Variants in HECW1 observed in about 807,000 individuals in gnomAD.
HECW1 encodes the protein HECT, C2 and WW domain containing E3 ubiquitin protein ligase 1, also known as E3 ubiquitin-protein ligase HECW1.
A neutral mutation model predicts 182.3 loss-of-function variants in HECW1; 61 were observed. The observed-to-expected ratio is 0.33, with a 90% CI of 0.27 to 0.41. HECW1 has a LOEUF of 0.41. Ranked by LOEUF, HECW1 falls within the 10% of genes least tolerant of loss-of-function variation. The probability of loss-of-function intolerance (pLI) is 1.00; values close to 1 mark genes in which losing one functional copy is unlikely to be tolerated. For synonymous variants in HECW1, 859 were observed against 832.6 expected (o/e 1.03, Z -0.55); for missense variants, 1,739 against 2,108.9 (o/e 0.82, Z 3.44).
chr7:43,323,988 C>T lies in HECW1; in HGVS notation c.460+3246C>T, dbSNP rs182439281. On this transcript the variant is annotated intron_variant, in intron 5 of 29. Coordinates refer to ENST00000395891, the MANE Select transcript of HECW1 (RefSeq NM_015052.5). ...GGCGGAGGTTGCAGTGAGCCGAGAT[C>T]GCACCATTGCACTCCAGTTTGGGCG... Among the ~76,000 whole-genome samples, 11 of 151,934 alleles carry T rather than the reference C, an allele frequency of 7.2e-5. 1 individual carries two copies. The highest frequency in any genetic ancestry group is 3.4e-3 in the Middle Eastern group (1 of 294).
intron 6 of HECW1, among the ~76,000 whole-genome samples, chr7:43,368,644 A>G (rs141105365): frequency 3.3e-5 from 5 of 152,312 alleles, no homozygotes; most frequent in African/African-American, 4.8e-5. Flanking sequence ...TTTAGATTCT[A>G]TCCTAGCCCA....
intron 5 of HECW1, among the ~76,000 whole-genome samples, chr7:43,354,381 GT>G (rs1373698347): frequency 2.0e-5 from 3 of 152,104 alleles, no homozygotes; most frequent in Non-Finnish European, 4.4e-5. Flanking sequence ...AAAAATAGCA[GT>G]TTTAAACAAA....
chr7:43,462,995 C>T (rs1425702545), intron 13 of HECW1, among the ~76,000 whole-genome samples: 1 of 152,170 alleles, frequency 6.6e-6, no homozygotes, highest in Non-Finnish European at 1.5e-5. Context: ...GTTTAAAGGG[C>T]AATGTCATAT....
Position 43,533,179 on chromosome 7 carries a change from A to G in HECW1, c.4020-7984A>G, listed in dbSNP as rs911851916. 5.3e-5 allele frequency among the ~76,000 whole-genome samples: 8 copies of G among 152,044 alleles called. No individual in the cohort carries two copies. In the East Asian group the frequency reaches 1.5e-3, roughly 29 times the overall value. On this transcript the variant is annotated intron_variant, in intron 24 of 29. Coordinates refer to ENST00000395891, the MANE Select transcript of HECW1 (RefSeq NM_015052.5). ...TCAGAGATGCTGTTAAACATCCTATAATACACCAGAAAGCAAACATCAACA... is the reference window on the plus strand; with the variant it reads ...TCAGAGATGCTGTTAAACATCCTATGATACACCAGAAAGCAAACATCAACA...
intron 2 of HECW1, among the ~76,000 whole-genome samples, chr7:43,170,312 T>A (rs1300018375): frequency 6.6e-6 from 1 of 152,168 alleles, no homozygotes; most frequent in East Asian, 1.9e-4. Flanking sequence ...AGAAATAAAG[T>A]GCACAATAAA....
At chr7:43,417,858 T>G (rs1305449296) in intron 8 of HECW1, among the ~76,000 whole-genome samples, 1 of 152,230 alleles carries the variant, frequency 6.6e-6, no homozygotes, top group Non-Finnish European at 1.5e-5. Context: ...CAAGTTGGAT[T>G]TCGGCATTCC....
rs150874345 is a variant in HECW1 at position 43,378,422 on chromosome 7, G to A, written c.555+17442G>A. On this transcript the variant is annotated intron_variant, in intron 6 of 29. Transcript: ENST00000395891. ...AAAGAGCTATCTAGAACAATCATGT[G>A]GTTTATGAGCGGAGCTCTCTCAGAT... Among the ~76,000 whole-genome samples, 31 of 152,328 alleles carry A rather than the reference G, an allele frequency of 2.0e-4. No homozygotes were observed. In the East Asian group the frequency reaches 4.4e-3, roughly 22 times the overall value.
intron 3 of HECW1, among the ~76,000 whole-genome samples, chr7:43,264,242 C>A (rs1197881404): frequency 1.3e-5 from 2 of 152,140 alleles, no homozygotes; most frequent in Non-Finnish European, 2.9e-5. Flanking sequence ...CCCCATCCCT[C>A]CCCCTTCCCC....
At chr7:43,179,076 A>G (rs1000647877) in intron 2 of HECW1, among the ~76,000 whole-genome samples, 1 of 152,210 alleles carries the variant, frequency 6.6e-6, no homozygotes, top group South Asian at 2.1e-4. Context: ...AAAAGAAAGC[A>G]TTTTCTCCAG....
At chr7:43,183,728 T>C (rs1474401802) in intron 2 of HECW1, among the ~76,000 whole-genome samples, 1 of 152,200 alleles carries the variant, frequency 6.6e-6, no homozygotes, top group Non-Finnish European at 1.5e-5. Context: ...ATAATTCAAA[T>C]TGAATGTTGT....
intron 16 of HECW1, among the ~76,000 whole-genome samples, chr7:43,474,647 A>G (rs1305422126): frequency 6.6e-6 from 1 of 152,216 alleles, no homozygotes; most frequent in Non-Finnish European, 1.5e-5. Flanking sequence ...TGTGTTTTAT[A>G]TCCATCAGTT....
chr7:43,536,473 C>A (rs2081182832), intron 24 of HECW1, among the ~76,000 whole-genome samples: 1 of 152,198 alleles, frequency 6.6e-6, no homozygotes, highest in African/African-American at 2.4e-5. Context: ...CATGGGCTGA[C>A]CCGCCTTGCC....
rs1413844338 is a variant in HECW1, at chr7:43,554,641, G to A, written c.4560G>A (p.Glu1520=). 10 of 1,613,842 alleles carry A rather than the reference G, an allele frequency of 6.2e-6. No individual in the cohort carries two copies. The highest frequency in any genetic ancestry group is 8.5e-6 in the Non-Finnish European group (10 of 1,179,906). ...TCCGCTGGTTCTGGGCTGCGGTGGA[G>A]CGCTTCAATAATGAGCAGAGGCTGA... The part of the protein sequence containing the change: ...LVIRWFWAAV[E]RFNNEQRLRL... The change falls in exon 29 of 30, where the codon GAG becomes GAA. Residue 1520 remains glutamate (E), a synonymous_variant. Coordinates refer to ENST00000395891, the MANE Select transcript of HECW1 (RefSeq NM_015052.5).
intron 4 of HECW1, among the ~76,000 whole-genome samples, chr7:43,315,225 C>A (rs955462674): frequency 6.6e-6 from 1 of 152,104 alleles, no homozygotes; most frequent in African/African-American, 2.4e-5. Context: ...ACATCAGGCA[C>A]CCTATTAGAA....
intron 2 of HECW1, among the ~76,000 whole-genome samples, chr7:43,165,659 T>C (rs1288727249): frequency 6.6e-6 from 1 of 152,170 alleles, no homozygotes; most frequent in Non-Finnish European, 1.5e-5. Flanking sequence ...TACATAGGCG[T>C]TGTGAGCCCA....
intron 3 of HECW1, among the ~76,000 whole-genome samples, chr7:43,293,109 A>G (rs1245750799): frequency 6.7e-6 from 1 of 150,164 alleles, no homozygotes; most frequent in Non-Finnish European, 1.5e-5. Flanking sequence ...GGTCCCATCT[A>G]CTCTGGAGGC....
rs764831896 is a variant in HECW1, at chr7:43,444,634, G to A, written c.1462G>A (p.Glu488Lys). ...APASTKEEPLEEEATTQSRAG... is the reference protein window; with the variant it reads ...APASTKEEPLKEEATTQSRAG... ...AGCCAGCACCAAGGAGGAGCCCTTG[G>A]AGGAGGAAGCAACGACCCAGAGCCG... Residue 488 changes from glutamate (E) to lysine (K), a missense_variant, in exon 11 of 30, where the codon GAG becomes AAG. Coordinates refer to ENST00000395891, the MANE Select transcript of HECW1 (RefSeq NM_015052.5). This position sits in a 1 kb window ranked among gnomAD's most constrained non-coding sequence, Gnocchi z 4.3. The A allele has an allele frequency of 1.9e-6, 3 of 1,609,208 alleles. No individual in the cohort carries two copies. The highest frequency in any genetic ancestry group is 1.1e-5 in the South Asian group (1 of 90,262).
intron 6 of HECW1, among the ~76,000 whole-genome samples, chr7:43,384,630 A>T (rs1015890274): frequency 1.4e-4 from 21 of 152,094 alleles, no homozygotes; most frequent in Admixed American, 3.9e-4. Flanking sequence ...GTTTGCCTTT[A>T]AAAAAAATCA....
intron 26 of HECW1, among the ~76,000 whole-genome samples, chr7:43,547,176 T>C (rs953020335): frequency 1.3e-5 from 2 of 152,238 alleles, no homozygotes; most frequent in African/African-American, 4.8e-5. Flanking sequence ...TATCATATAA[T>C]GACTTTGCTT....
Sources: gnomAD v4.1 joint callset for allele counts (sites outside exome capture counted in the v4.1 genomes callset) on GRCh38, gnomAD v4.1.1 for gene constraint, Gnocchi (gnomAD v3.1) non-coding constraint, MANE v1.5 for transcripts, NCBI Gene and HGNC (gene_info 2026-07-23, HGNC 2026-07-21) for gene names.